BLTP3A: variants seen among roughly 807,000 people sequenced by gnomAD.
BLTP3A encodes the protein bridge-like lipid transfer protein family member 3A, also known as ICBP90 binding protein 1.
the BLTP3A span, among the ~76,000 whole-genome samples, chr6:34,838,460 A>G: frequency 6.6e-6 from 1 of 152,050 alleles, no homozygotes; most frequent in African/African-American, 2.4e-5. Flanking sequence ...TAAGAAAGGT[A>G]GTGAAAGAAG....
the BLTP3A span, among the ~76,000 whole-genome samples, chr6:34,844,988 T>A: frequency 1.3e-5 from 2 of 152,206 alleles, no homozygotes; most frequent in Non-Finnish European, 2.9e-5. Flanking sequence ...TAGTTTGAGG[T>A]CTTAGACTTA....
chr6:34,800,426 T>C, the BLTP3A span, among the ~76,000 whole-genome samples: 3 of 152,114 alleles, frequency 2.0e-5, no homozygotes, highest in South Asian at 2.1e-4. Flanking sequence ...GGAGAAGATA[T>C]ATGTAGTGAG....
the BLTP3A span, chr6:34,867,540 C>T: frequency 6.2e-7 from 1 of 1,614,014 alleles, no homozygotes; most frequent in Non-Finnish European, 8.5e-7. Context: ...TGACTGTGGC[C>T]CTGCAAGCAG....
the BLTP3A span, among the ~76,000 whole-genome samples, chr6:34,811,098 T>G: frequency 6.6e-6 from 1 of 152,366 alleles, no homozygotes; most frequent in South Asian, 2.1e-4. Flanking sequence ...AAACATAGAC[T>G]GTGCGTGGTG....
chr6:34,809,657 C>T, the BLTP3A span, among the ~76,000 whole-genome samples: 1 of 152,040 alleles, frequency 6.6e-6, no homozygotes, highest in African/African-American at 2.4e-5. Context: ...CCTCTGCCTC[C>T]CGGGTTCAAG....
chr6:34,834,210 G>A, the BLTP3A span: 61 of 1,612,924 alleles, frequency 3.8e-5, 1 homozygote, highest in South Asian at 3.5e-4. Context: ...TACCTCATTT[G>A]TTGTAGTGAA....
chr6:34,869,640 C>CTTTTTTTTTTTTTTTTTTTTTTTTTT, the BLTP3A span, among the ~76,000 whole-genome samples: 1 of 81,532 alleles, frequency 1.2e-5, no homozygotes, highest in African/African-American at 6.1e-5. Flanking sequence ...ACATACACCA[C>CTTTTTTTTTTTTTTTTTTTTTTTTTT]TTTTTTTTTT....
the BLTP3A span, among the ~76,000 whole-genome samples, chr6:34,844,125 C>T: frequency 6.6e-6 from 1 of 151,992 alleles, no homozygotes; most frequent in African/African-American, 2.4e-5. Context: ...GGACTACAGG[C>T]GCCTGCCACC....
At chr6:34,855,664 C>T in the BLTP3A span, 32 of 1,613,776 alleles carry the variant, frequency 2.0e-5, no homozygotes, top group South Asian at 1.5e-4. Flanking sequence ...GCTTACCTTC[C>T]GCAAGATGGC....
chr6:34,844,430 A>C, the BLTP3A span, among the ~76,000 whole-genome samples: 1 of 152,152 alleles, frequency 6.6e-6, no homozygotes, highest in Non-Finnish European at 1.5e-5. Flanking sequence ...ACTCGTGACC[A>C]TGACAGACTA....
the BLTP3A span, among the ~76,000 whole-genome samples, chr6:34,844,787 C>A: frequency 1.3e-5 from 2 of 152,240 alleles, no homozygotes; most frequent in Admixed American, 1.3e-4. Flanking sequence ...CAAATGTTTT[C>A]TCCCATTCTG....
chr6:34,851,359 A>G, the BLTP3A span, among the ~76,000 whole-genome samples: 1 of 152,170 alleles, frequency 6.6e-6, no homozygotes, highest in Non-Finnish European at 1.5e-5. Flanking sequence ...TATCTGCATC[A>G]AGGGACACCC....
At chr6:34,873,139 C>T in the BLTP3A span, 2 of 152,200 alleles carry the variant, frequency 1.3e-5, no homozygotes, top group African/African-American at 4.8e-5. Context: ...AGTAGTGGCT[C>T]AGTCATTTAA....
chr6:34,806,821 G>A, the BLTP3A span, among the ~76,000 whole-genome samples: 3 of 152,092 alleles, frequency 2.0e-5, no homozygotes, highest in Non-Finnish European at 2.9e-5. Flanking sequence ...CACCACGCCC[G>A]GCTAATTTTT....
chr6:34,792,292 C>T, the BLTP3A span: 4 of 1,542,842 alleles, frequency 2.6e-6, no homozygotes, highest in Non-Finnish European at 1.7e-6. Context: ...AACACCTGTC[C>T]CGGTGAGAGC....
At chr6:34,869,293 T>C in the BLTP3A span, among the ~76,000 whole-genome samples, 1 of 152,062 alleles carries the variant, frequency 6.6e-6, no homozygotes, top group Non-Finnish European at 1.5e-5. Context: ...TGAGCCACCA[T>C]GCCTGGCCCC....
At chr6:34,801,694 A>G in the BLTP3A span, among the ~76,000 whole-genome samples, 15 of 152,086 alleles carry the variant, frequency 9.9e-5, no homozygotes, top group African/African-American at 2.9e-4. Flanking sequence ...AATATCGCAC[A>G]GCTTTATTTT....
the BLTP3A span, among the ~76,000 whole-genome samples, chr6:34,829,706 C>T: frequency 2.0e-5 from 3 of 152,064 alleles, no homozygotes; most frequent in African/African-American, 7.3e-5. Flanking sequence ...GCGATCTCAG[C>T]TCACTGCAAC....
At chr6:34,857,695 A>T in the BLTP3A span, 16 of 1,599,408 alleles carry the variant, frequency 1.0e-5, no homozygotes, top group East Asian at 3.1e-4. Context: ...TTTTTACAGG[A>T]TGTTTCTTTT....
Sources: allele counts gnomAD v4.1 joint callset (sites outside exome capture counted in the v4.1 genomes callset), GRCh38; gene constraint gnomAD v4.1.1; transcripts MANE v1.5; gene names NCBI Gene and HGNC (gene_info 2026-07-23, HGNC 2026-07-21).